Variants in SORCS1 observed in about 807,000 individuals in gnomAD.
The protein encoded by SORCS1 is sortilin related VPS10 domain containing receptor 1, also known as VPS10 domain-containing receptor SorCS1.
SORCS1 carries 60 observed loss-of-function variants against 146.1 expected under a neutral mutation model. The observed-to-expected ratio is 0.41, with a 90% CI of 0.33 to 0.51. SORCS1 has a LOEUF of 0.51. Among genes scored for constraint, SORCS1 ranks in the 20% least tolerant of loss-of-function variants. The pLI, the probability that SORCS1 is intolerant of heterozygous loss-of-function variation, is 0.21. For synonymous variants in SORCS1, 637 were observed against 584.0 expected, an observed-to-expected ratio of 1.09 and a Z score of -1.31; for missense variants, 1,352 against 1,487.6, an observed-to-expected ratio of 0.91 and a Z score of 1.50.
At chr10:107,022,002 C>G (rs1225760673) in intron 1 of SORCS1, among the ~76,000 whole-genome samples, 3 of 152,122 alleles carry the variant, frequency 2.0e-5, no homozygotes, top group Non-Finnish European at 2.9e-5. Flanking sequence ...TTGTGGAGAT[C>G]GCTCTGATCT....
intron 1 of SORCS1, among the ~76,000 whole-genome samples, chr10:107,050,800 A>G (rs962115324): frequency 6.6e-6 from 1 of 152,144 alleles, no homozygotes; most frequent in African/African-American, 2.4e-5. Context: ...TGCAGGCTAG[A>G]GAGTGAAGCT....
intron 6 of SORCS1, among the ~76,000 whole-genome samples, chr10:106,714,512 T>A (rs954947426): frequency 6.6e-6 from 1 of 152,190 alleles, no homozygotes; most frequent in Non-Finnish European, 1.5e-5. Context: ...AGTACATGTA[T>A]TCTGTACTAT....
rs527681431 is a variant in SORCS1, at chr10:107,108,923, C to T, written c.558+55046G>A. On this transcript the variant is annotated intron_variant, in intron 1 of 25. Coordinates refer to ENST00000263054, the MANE Select transcript of SORCS1 (RefSeq NM_052918.5). The stretch of plus-strand genomic sequence containing the variant: ...AAAGAAAGGGGCTACAGGCTTTATG[C>T]AAGTTTGAAACCAGCAAGGCAGTCA... 4.6e-5 allele frequency among the ~76,000 whole-genome samples: 7 copies of T among 152,326 alleles called. No individual in the cohort carries two copies. The South Asian group carries it at 1.0e-3, about 23-fold the overall frequency.
intron 24 of SORCS1, among the ~76,000 whole-genome samples, chr10:106,593,629 T>TAA (rs1239452347): frequency 2.0e-5 from 3 of 152,260 alleles, no homozygotes; most frequent in Non-Finnish European, 4.4e-5. Flanking sequence ...GAAAACTTAA[T>TAA]AATGCCAGTT....
At chr10:106,908,441 A>T (rs1952006908) in intron 2 of SORCS1, among the ~76,000 whole-genome samples, 1 of 152,130 alleles carries the variant, frequency 6.6e-6, no homozygotes, top group Non-Finnish European at 1.5e-5. Context: ...CCTCCGCTGG[A>T]TCCTCTTTTA....
rs571553279 is a variant in SORCS1 at position 106,925,925 on chromosome 10, G to A, written c.626+30588C>T. 8.5e-5 allele frequency among the ~76,000 whole-genome samples: 13 copies of A among 152,122 alleles called. No individual in the cohort carries two copies. The East Asian group carries it at 2.5e-3, about 29-fold the overall frequency. ...AACAGTTCTGTTCCTGGACAACTGT[G>A]TATAAACAATTTATGAAAAATAAAT... On this transcript the variant is annotated intron_variant, in intron 2 of 25. Transcript: ENST00000263054.
intron 17 of SORCS1, among the ~76,000 whole-genome samples, chr10:106,657,599 A>G (rs1850395871): frequency 6.6e-6 from 1 of 151,270 alleles, no homozygotes; most frequent in Non-Finnish European, 1.5e-5. Flanking sequence ...GTACTCCAAA[A>G]GGTATTGAAA....
In SORCS1 at chr10:106,907,809, C is replaced by A. The variant is rs567255624; in HGVS notation, c.626+48704G>T. On this transcript the variant is annotated intron_variant, in intron 2 of 25. Coordinates refer to ENST00000263054, the MANE Select transcript of SORCS1 (RefSeq NM_052918.5). ...AGGCATGGTGGTGCGCACCTATAGT[C>A]CCAGCTACTTGGGAGGCTGAGGCAG... is the stretch of plus-strand genomic sequence containing the variant. 3.9e-5 allele frequency among the ~76,000 whole-genome samples: 6 copies of A among 151,942 alleles called. No homozygotes were observed. In the South Asian group the frequency reaches 1.3e-3, roughly 32 times the overall value.
chr10:106,895,564 T>C (rs922036119), intron 2 of SORCS1, among the ~76,000 whole-genome samples: 1 of 152,206 alleles, frequency 6.6e-6, no homozygotes, highest in Non-Finnish European at 1.5e-5. Context: ...TGAGCTAAGA[T>C]TGTGCTACCG....
rs925092280 is a variant in SORCS1 at position 107,102,792 on chromosome 10, T to C, written c.558+61177A>G. On this transcript the variant is annotated intron_variant, in intron 1 of 25. Transcript: ENST00000263054. ...AGGGGCAAGTATTTTAAAGAGTATATAGTATAACATATTATAAAATATAAT... is the reference window on the plus strand; with the variant it reads ...AGGGGCAAGTATTTTAAAGAGTATACAGTATAACATATTATAAAATATAAT... Among the ~76,000 whole-genome samples, 16 of 152,294 alleles carry C rather than the reference T, an allele frequency of 1.1e-4. No individual in the cohort carries two copies. In the East Asian group the frequency reaches 3.1e-3, roughly 29 times the overall value.
intron 23 of SORCS1, chr10:106,600,398 GA>G: frequency 1.0e-6 from 1 of 979,370 alleles, no homozygotes; most frequent in South Asian, 4.7e-5. Flanking sequence ...TGCTTTGTGA[GA>G]AAAAATTTGC....
chr10:106,691,063 A>G (rs1853259057), intron 9 of SORCS1, among the ~76,000 whole-genome samples: 1 of 152,178 alleles, frequency 6.6e-6, no homozygotes, highest in African/African-American at 2.4e-5. Context: ...CTGTCTATGC[A>G]TGTAGTATAT....
At chr10:107,103,366 T>C (rs1315416950) in intron 1 of SORCS1, among the ~76,000 whole-genome samples, 1 of 152,064 alleles carries the variant, frequency 6.6e-6, no homozygotes, top group Non-Finnish European at 1.5e-5. Flanking sequence ...CCGACTAAGG[T>C]TTATTAATAT....
At chr10:107,004,724 C>T (rs1157897514) in intron 1 of SORCS1, among the ~76,000 whole-genome samples, 3 of 152,130 alleles carry the variant, frequency 2.0e-5, no homozygotes, top group Non-Finnish European at 2.9e-5. Context: ...GCCCTCCTTA[C>T]AATACTCTTC....
At chr10:106,578,657 T>C in intron 25 of SORCS1, 1 of 1,000,890 alleles carries the variant, frequency 1.0e-6, no homozygotes, top group Non-Finnish European at 1.2e-6. Flanking sequence ...TTGCCCTCCT[T>C]AAGAGCTGTA....
chr10:106,762,130 G>T (rs1859164543), intron 4 of SORCS1, among the ~76,000 whole-genome samples: 1 of 152,142 alleles, frequency 6.6e-6, no homozygotes, highest in African/African-American at 2.4e-5. Flanking sequence ...GCAGAAGACA[G>T]GAGCCAATTT....
chr10:106,976,343 T>TTTTTTTTG (rs1564878128), intron 1 of SORCS1, among the ~76,000 whole-genome samples: 1 of 36,038 alleles, frequency 2.8e-5, no homozygotes, highest in African/African-American at 1.5e-4. Context: ...GTTTTTTTTT[T>TTTTTTTTG]TTTTTTGAGA....
intron 2 of SORCS1, among the ~76,000 whole-genome samples, chr10:106,844,780 G>C (rs895970802): frequency 8.0e-6 from 1 of 125,660 alleles, no homozygotes; most frequent in Non-Finnish European, 1.6e-5. Context: ...CCCTTCCTGT[G>C]TCCATGTGAT....
chr10:106,584,912 T>C (rs917239480), intron 24 of SORCS1, among the ~76,000 whole-genome samples: 1 of 152,110 alleles, frequency 6.6e-6, no homozygotes, highest in Non-Finnish European at 1.5e-5. Context: ...AAGAATGACT[T>C]ATGGTTTTCT....
Sources: gnomAD v4.1 joint callset for allele counts (sites outside exome capture counted in the v4.1 genomes callset) on GRCh38, gnomAD v4.1.1 for gene constraint, MANE v1.5 for transcripts, NCBI Gene and HGNC (gene_info 2026-07-23, HGNC 2026-07-21) for gene names.